The following OPCML variants were observed in gnomAD, a reference collection of about 807,000 sequenced individuals.
The protein encoded by OPCML is opioid binding protein/cell adhesion molecule like, also known as opioid-binding protein/cell adhesion molecule.
A neutral mutation model predicts 37.8 loss-of-function variants in OPCML; 13 were observed. The observed-to-expected ratio is 0.34, with a 90% confidence interval of 0.22 to 0.55. The LOEUF is 0.55. OPCML is among the 20% of genes least tolerant of loss of function. OPCML has a pLI of 0.91. For missense variants in OPCML, 341 were observed against 435.6 expected (o/e 0.78, Z 1.93); for synonymous variants, 176 against 168.8 (o/e 1.04, Z -0.33).
At chr11:133,071,843 T>C (rs1948543121) in intron 1 of OPCML, among the ~76,000 whole-genome samples, 1 of 152,198 alleles carries the variant, frequency 6.6e-6, no homozygotes. Flanking sequence ...GCCTCCTGTG[T>C]TTTATTCCTA....
At chr11:133,204,909 T>TATATATACAC (rs1350609719) in intron 1 of OPCML, among the ~76,000 whole-genome samples, 16 of 130,690 alleles carry the variant, frequency 1.2e-4, no homozygotes, top group Non-Finnish European at 2.4e-4. Context: ...TATATATATA[T>TATATATACAC]ACATACACAT....
intron 1 of OPCML, among the ~76,000 whole-genome samples, chr11:133,051,055 A>G (rs912333968): frequency 2.3e-5 from 2 of 87,044 alleles, no homozygotes; most frequent in Non-Finnish European, 4.9e-5. Flanking sequence ...CCATGTGTGT[A>G]CATACACACA....
intron 1 of OPCML, among the ~76,000 whole-genome samples, chr11:133,168,968 A>G (rs1478813716): frequency 2.0e-5 from 3 of 152,094 alleles, no homozygotes; most frequent in African/African-American, 7.2e-5. Flanking sequence ...GTCTCTACTA[A>G]AAATACAAAA....
chr11:133,252,405 G>A (rs955768449), intron 1 of OPCML, among the ~76,000 whole-genome samples: 1 of 152,120 alleles, frequency 6.6e-6, no homozygotes, highest in Non-Finnish European at 1.5e-5. Flanking sequence ...CTTATAAAGT[G>A]TATATTTGTT....
At position 132,680,109 on chromosome 11, in the gene OPCML, T is replaced by G. The variant is rs542642060; in HGVS notation, c.147-22790A>C. On this transcript the variant is annotated intron_variant, in intron 2 of 7. Coordinates refer to ENST00000524381, the MANE Select transcript of OPCML (RefSeq NM_001012393.5). ...CAATTTCCCATGTCACTGTGGCAAA[T>G]TCAGGTGCTGTGAACCATTCTGCTT... Among the ~76,000 whole-genome samples, 5 of 152,292 alleles carry G rather than the reference T, an allele frequency of 3.3e-5. No individual in the cohort carries two copies. In the South Asian group the frequency reaches 6.2e-4, roughly 19 times the overall value.
intron 4 of OPCML, among the ~76,000 whole-genome samples, chr11:132,473,844 A>G (rs2096145826): frequency 6.6e-6 from 1 of 152,132 alleles, no homozygotes; most frequent in Non-Finnish European, 1.5e-5. Context: ...ATCATAATCC[A>G]TAACTACGTA....
chr11:132,800,927 T>C (rs1378753695), intron 2 of OPCML, among the ~76,000 whole-genome samples: 1 of 152,200 alleles, frequency 6.6e-6, no homozygotes, highest in African/African-American at 2.4e-5. Context: ...AGTTGGAAAG[T>C]ATTCTCTGAT....
At chr11:133,454,384 GT>G (rs1420066601) in intron 1 of OPCML, among the ~76,000 whole-genome samples, 20 of 152,140 alleles carry the variant, frequency 1.3e-4, no homozygotes, top group African/African-American at 4.6e-4. Context: ...CCCTGAAGGG[GT>G]TCAAAGCCAT....
intron 1 of OPCML, among the ~76,000 whole-genome samples, chr11:133,010,104 C>T (rs1298264787): frequency 6.6e-6 from 1 of 152,174 alleles, no homozygotes; most frequent in African/African-American, 2.4e-5. Flanking sequence ...TCCCTACTGT[C>T]CTGTCCACTC....
intron 4 of OPCML, among the ~76,000 whole-genome samples, chr11:132,517,241 G>A (rs904347510): frequency 2.6e-5 from 4 of 152,132 alleles, no homozygotes; most frequent in African/African-American, 7.2e-5. Flanking sequence ...GCAAGAAAAG[G>A]TGACTTATAG....
At chr11:132,859,966 A>G (rs1591714291) in intron 2 of OPCML, 1 of 152,320 alleles carries the variant, frequency 6.6e-6, no homozygotes, top group East Asian at 1.9e-4. Context: ...GGAAAATGCA[A>G]CAAAGCATTC....
intron 1 of OPCML, among the ~76,000 whole-genome samples, chr11:133,486,113 T>G (rs1458769965): frequency 6.6e-5 from 10 of 152,154 alleles, no homozygotes; most frequent in Non-Finnish European, 1.0e-4. Context: ...TAAGTCTTTG[T>G]GCAAAAACAC....
chr11:132,570,804 T>TAGAGAGAGAGAGAGAGAGAG (rs1203341702), intron 3 of OPCML, among the ~76,000 whole-genome samples: 13 of 90,760 alleles, frequency 1.4e-4, no homozygotes, highest in African/African-American at 3.0e-4. Flanking sequence ...TATATATATT[T>TAGAGAGAGAGAGAGAGAGAG]AGAGAGAGAG....
chr11:132,485,890 C>T (rs2096198304), intron 4 of OPCML, among the ~76,000 whole-genome samples: 1 of 152,144 alleles, frequency 6.6e-6, no homozygotes, highest in South Asian at 2.1e-4. Flanking sequence ...CCACTCATTT[C>T]TCTTAAATAA....
At chr11:133,195,855 G>T (rs1223261982) in intron 1 of OPCML, among the ~76,000 whole-genome samples, 1 of 152,180 alleles carries the variant, frequency 6.6e-6, no homozygotes, top group Non-Finnish European at 1.5e-5. Flanking sequence ...TCTGTCACAT[G>T]AATGATATAT....
rs369990597 is a variant in OPCML, at chr11:132,872,479, C to T, written c.146+70447G>A. ...GACAACAGGGCACATTTTCACCCAC[C>T]TCCACAAGTGAGCAACTCCAGGCCT... On this transcript the variant is annotated intron_variant, in intron 2 of 7. Transcript: ENST00000524381. Among the ~76,000 whole-genome samples the T allele has an allele frequency of 3.3e-5, 5 of 152,124 alleles. No individual in the cohort carries two copies. The East Asian group carries it at 9.6e-4, about 29-fold the overall frequency.
intron 1 of OPCML, among the ~76,000 whole-genome samples, chr11:133,148,147 A>G (rs1949924117): frequency 2.6e-5 from 4 of 152,194 alleles, no homozygotes; most frequent in Admixed American, 2.6e-4. Flanking sequence ...TAGAATCCAG[A>G]GGTCTCATTT....
intron 4 of OPCML, among the ~76,000 whole-genome samples, chr11:132,510,524 G>T (rs2096266621): frequency 6.6e-6 from 1 of 152,112 alleles, no homozygotes; most frequent in South Asian, 2.1e-4. Flanking sequence ...CCAGGGTGAG[G>T]TAATTGAATC....
At chr11:133,002,782 G>A (rs1191645011) in intron 1 of OPCML, among the ~76,000 whole-genome samples, 1 of 151,814 alleles carries the variant, frequency 6.6e-6, no homozygotes, top group Non-Finnish European at 1.5e-5. Context: ...AAAGAGAGGG[G>A]GGGGTGGGAA....
Sources: gnomAD v4.1 joint callset for allele counts (sites outside exome capture counted in the v4.1 genomes callset) on GRCh38, gnomAD v4.1.1 for gene constraint, MANE v1.5 for transcripts, NCBI Gene and HGNC (gene_info 2026-07-23, HGNC 2026-07-21) for gene names.